The following NKAIN2 variants were observed in gnomAD, a reference collection of about 807,000 sequenced individuals.
The protein encoded by NKAIN2 is sodium/potassium transporting ATPase interacting 2, also known as sodium/potassium-transporting ATPase subunit beta-1-interacting protein 2.
Under a neutral mutation model 32.6 loss-of-function variants are expected in NKAIN2, and 14 were observed. The observed-to-expected ratio is 0.43, with a 90% confidence interval of 0.28 to 0.67. The LOEUF (loss-of-function observed/expected upper bound fraction) is 0.67. Ranked by LOEUF, NKAIN2 falls within the 30% of genes least tolerant of loss-of-function variation. The pLI, the probability that NKAIN2 is intolerant of heterozygous loss-of-function variation, is 0.17. For missense variants in NKAIN2, 198 were observed against 258.3 expected (o/e 0.77, Z 1.60); for synonymous variants, 80 against 87.2 (o/e 0.92, Z 0.46).
chr6:124,622,786 A>G (rs1188507701), intron 3 of NKAIN2, among the ~76,000 whole-genome samples: 1 of 152,100 alleles, frequency 6.6e-6, no homozygotes, highest in Non-Finnish European at 1.5e-5. Context: ...CTGAAATTCT[A>G]TCAGCATTCA....
At chr6:123,950,161 C>G (rs1582829442) in intron 1 of NKAIN2, among the ~76,000 whole-genome samples, 1 of 151,886 alleles carries the variant, frequency 6.6e-6, no homozygotes, top group Non-Finnish European at 1.5e-5. Flanking sequence ...GGTGTATTAT[C>G]GTTTTAATGT....
intron 4 of NKAIN2, among the ~76,000 whole-genome samples, chr6:124,719,426 A>G (rs1256921392): frequency 1.3e-5 from 2 of 152,194 alleles, no homozygotes; most frequent in East Asian, 3.9e-4. Context: ...TTTTGCAATC[A>G]TCAATGACTT....
At chr6:124,336,596 A>G (rs1047519046) in intron 2 of NKAIN2, among the ~76,000 whole-genome samples, 11 of 152,038 alleles carry the variant, frequency 7.2e-5, no homozygotes, top group Non-Finnish European at 5.9e-5. Context: ...TTTTTTAAAC[A>G]TAGTATTTAA....
chr6:124,510,409 C>A (rs1778664999), intron 3 of NKAIN2, among the ~76,000 whole-genome samples: 1 of 152,050 alleles, frequency 6.6e-6, no homozygotes, highest in Non-Finnish European at 1.5e-5. Context: ...TGCTGTATGA[C>A]ATTTTGACTT....
At chr6:124,367,510 C>A (rs1038686424) in intron 3 of NKAIN2, among the ~76,000 whole-genome samples, 2 of 152,130 alleles carry the variant, frequency 1.3e-5, no homozygotes, top group Non-Finnish European at 2.9e-5. Flanking sequence ...AGCATTAGGG[C>A]ACCTCAAATC....
chr6:124,462,370 T>C (rs1776565839), intron 3 of NKAIN2, among the ~76,000 whole-genome samples: 1 of 152,026 alleles, frequency 6.6e-6, no homozygotes, highest in Non-Finnish European at 1.5e-5. Flanking sequence ...CCAGACTTAC[T>C]AATTTAAATA....
chr6:124,373,496 C>T (rs887346987), intron 3 of NKAIN2, among the ~76,000 whole-genome samples: 1 of 151,962 alleles, frequency 6.6e-6, no homozygotes, highest in Non-Finnish European at 1.5e-5. Flanking sequence ...GAGTTTCAGT[C>T]ATTAGTATGT....
intron 4 of NKAIN2, among the ~76,000 whole-genome samples, chr6:124,677,359 G>A (rs1773410779): frequency 6.6e-6 from 1 of 152,114 alleles, no homozygotes; most frequent in Non-Finnish European, 1.5e-5. Context: ...TGAAAAGGAA[G>A]GGCTTACTAT....
chr6:123,945,996 C>G (rs967016983), intron 1 of NKAIN2, among the ~76,000 whole-genome samples: 1 of 152,018 alleles, frequency 6.6e-6, no homozygotes, highest in Admixed American at 6.6e-5. Flanking sequence ...TTCCTTATGT[C>G]AATATCAAGT....
At chr6:124,748,408 A>C (rs951275447) in intron 4 of NKAIN2, among the ~76,000 whole-genome samples, 2 of 151,958 alleles carry the variant, frequency 1.3e-5, no homozygotes, top group Admixed American at 1.3e-4. Flanking sequence ...CACTCTTCTT[A>C]CATCAGGAAA....
chr6:124,809,920 A>C (rs1780803275), intron 5 of NKAIN2, among the ~76,000 whole-genome samples: 1 of 152,200 alleles, frequency 6.6e-6, no homozygotes, highest in African/African-American at 2.4e-5. Flanking sequence ...AATGCAAATC[A>C]AAACCACAAT....
intron 1 of NKAIN2, among the ~76,000 whole-genome samples, chr6:124,127,260 G>A (rs1034066743): frequency 1.3e-5 from 2 of 152,100 alleles, no homozygotes; most frequent in East Asian, 1.9e-4. Context: ...AACACAACAC[G>A]AGCATGTGTG....
chr6:123,942,201 A>G (rs1776857092), intron 1 of NKAIN2, among the ~76,000 whole-genome samples: 1 of 152,022 alleles, frequency 6.6e-6, no homozygotes, highest in African/African-American at 2.4e-5. Context: ...ATGAAATGGA[A>G]TGAAAATTGA....
rs73563705 is a variant in NKAIN2 at position 124,233,766 on chromosome 6, G to A, written c.55-49239G>A. Among the ~76,000 whole-genome samples, 617 of 152,246 alleles carry A rather than the reference G, an allele frequency of 4.1e-3. 6 individuals carry two copies. Among genetic ancestry groups the A allele is most frequent in the African/African-American group, 0.014 (572 of 41,558 alleles). ...AACATGTGATGTCTAGAGAAAGAAT[G>A]GGATTCTTCAAAAATTCTGCAGTAA... On this transcript the variant is annotated intron_variant, in intron 1 of 6. Transcript: ENST00000368417.
At chr6:124,149,405 A>G (rs904016233) in intron 1 of NKAIN2, among the ~76,000 whole-genome samples, 64 of 152,192 alleles carry the variant, frequency 4.2e-4, no homozygotes, top group African/African-American at 1.5e-3. Context: ...CTAAGAGATT[A>G]TAGTTTTAGC....
chr6:124,438,314 T>C (rs139282283), intron 3 of NKAIN2, among the ~76,000 whole-genome samples: 1 of 152,270 alleles, frequency 6.6e-6, no homozygotes, highest in African/African-American at 2.4e-5. Context: ...CACTCAGTTT[T>C]AGAAAAGAGG....
intron 5 of NKAIN2, among the ~76,000 whole-genome samples, chr6:124,813,363 C>T (rs74419568): frequency 0.021 from 3,159 of 152,074 alleles, 39 homozygotes; most frequent in Non-Finnish European, 0.033. Context: ...AGCAAATTTT[C>T]TAGAAAGAAC....
chr6:123,842,762 C>G (rs1251612316), intron 1 of NKAIN2, among the ~76,000 whole-genome samples: 13 of 152,064 alleles, frequency 8.5e-5, no homozygotes, highest in Admixed American at 8.5e-4. Flanking sequence ...CTAGGAACAG[C>G]TAAAGACCCC....
intron 1 of NKAIN2, among the ~76,000 whole-genome samples, chr6:124,159,991 A>C (rs2114442788): frequency 6.6e-6 from 1 of 152,268 alleles, no homozygotes; most frequent in East Asian, 1.9e-4. Flanking sequence ...TTTTGAAGGC[A>C]TCATGTGTGT....
Sources: gnomAD v4.1 joint callset for allele counts (sites outside exome capture counted in the v4.1 genomes callset) on GRCh38, gnomAD v4.1.1 for gene constraint, MANE v1.5 for transcripts, NCBI Gene and HGNC (gene_info 2026-07-23, HGNC 2026-07-21) for gene names.